Variants in PIEZO1 observed in about 807,000 individuals in gnomAD.
PIEZO1 encodes the protein piezo type mechanosensitive ion channel component 1 (Er blood group), also known as piezo-type mechanosensitive ion channel component 1.
Under a neutral mutation model 297.2 loss-of-function variants are expected in PIEZO1, and 296 were observed. The ratio of observed to expected loss-of-function variants is 1.00; its 90% CI spans 0.91 to 1.10. The LOEUF (loss-of-function observed/expected upper bound fraction) is 1.10, where lower values mean the gene tolerates loss of function less well. Ranked by LOEUF, PIEZO1 falls within the 50% of genes least tolerant of loss-of-function variation. The pLI is 0.00. For synonymous variants in PIEZO1, 2,427 were observed against 1,507.5 expected (o/e 1.61, Z -14.13); for missense variants, 5,018 against 3,455.5 (o/e 1.45, Z -11.34).
chr16:88,727,126 T>G lies in PIEZO1; in HGVS notation c.3368A>C (p.Glu1123Ala), dbSNP rs1435380248. The change falls in exon 24 of 51, where the codon GAG becomes GCG. Residue 1123 changes from glutamate (E) to alanine (A), a missense_variant. Coordinates refer to ENST00000301015, the MANE Select transcript of PIEZO1 (RefSeq NM_001142864.4). ...GTTGACGCCAGCCATGCGCTGCCAC[T>G]CCTCTGTGCGCTCAGCTGAGAACAC... is the stretch of plus-strand genomic sequence containing the variant. ...WQVFSAERTE[E>A]WQRMAGVNTD... 4 of 1,549,938 alleles carry G rather than the reference T, an allele frequency of 2.6e-6. No homozygotes were observed. The South Asian group carries it at 4.8e-5, about 18-fold the overall frequency.
Position 88,733,693 on chromosome 16 carries a change from G to C in PIEZO1, c.2382C>G (p.Gly794=), listed in dbSNP as rs1905025669. 4 of 1,549,144 alleles carry C rather than the reference G, an allele frequency of 2.6e-6. No homozygotes were observed. Among genetic ancestry groups the C allele is most frequent in the Non-Finnish European group, 3.5e-6 (4 of 1,146,328 alleles). The change falls in exon 18 of 51, where the codon GGC becomes GGG. Residue 794 remains glycine (G), a synonymous_variant. Transcript: ENST00000301015. ...VAERLLELAA[G]FSDVLSRVQV... The stretch of plus-strand genomic sequence containing the variant: ...GCACGCGTGAGAGGACGTCCGAGAA[G>C]CCGGCTGCCAGCTCCAGCAGCCGCT...
chr16:88,720,780 C>T (rs1912383973), intron 39 of PIEZO1, 32 bp from the exon 40 acceptor site: 1 of 1,455,046 alleles, frequency 6.9e-7, no homozygotes, highest in Non-Finnish European at 9.0e-7. Flanking sequence ...TGCCTGGGCC[C>T]CCTGGGGACT....
Position 88,719,629 on chromosome 16 carries a change from A to C in PIEZO1, c.6416T>G (p.Val2139Gly). ...TTLSLSSWMC[V>G]EDIYANIFII... Reference sequence around the variant, plus strand: ...GAAGATGTTGGCATAGATGTCCTCCACACACATCCAGCTGGACAGGGACAG... The same window carrying C: ...GAAGATGTTGGCATAGATGTCCTCCCCACACATCCAGCTGGACAGGGACAG... Residue 2139 changes from valine (V) to glycine (G), a missense_variant, in exon 44 of 51, where the codon GTG becomes GGG. By Grantham distance (109) the Val-to-Gly change is moderately radical. Transcript: ENST00000301015. The C allele has an allele frequency of 1.3e-6, 2 of 1,552,890 alleles. No homozygotes were observed. Among genetic ancestry groups the C allele is most frequent in the Non-Finnish European group, 1.7e-6 (2 of 1,148,258 alleles).
At chr16:88,768,719 G>A (rs1907289645) in intron 1 of PIEZO1, among the ~76,000 whole-genome samples, 1 of 152,182 alleles carries the variant, frequency 6.6e-6, no homozygotes, top group South Asian at 2.1e-4. Flanking sequence ...GCAGTGAGGG[G>A]CTGGCTGACC....
At chr16:88,741,662 G>GCGGGTGAGAGTGTGGA in intron 4 of PIEZO1, 46 bp from the exon 5 acceptor site, 6 of 1,515,744 alleles carry the variant, frequency 4.0e-6, no homozygotes, top group Admixed American at 4.2e-5. Flanking sequence ...GAGGACAGGT[G>GCGGGTGAGAGTGTGGA]TGGGTGTGAG....
At chr16:88,765,893 C>T (rs956086703) in intron 1 of PIEZO1, among the ~76,000 whole-genome samples, 6 of 152,058 alleles carry the variant, frequency 3.9e-5, no homozygotes, top group African/African-American at 1.2e-4. Context: ...AGGCTGGTCT[C>T]GAACTCCTGA....
At chr16:88,734,118 G>A in intron 16 of PIEZO1, 64 bp from the exon 17 acceptor site, 2 of 1,462,936 alleles carry the variant, frequency 1.4e-6, no homozygotes, top group South Asian at 2.8e-5. Flanking sequence ...CCTGGGGCTG[G>A]AAGAAGCCCT....
rs772036666 is a variant in PIEZO1 at position 88,742,288 on chromosome 16, T to C, written c.283+12A>G. ...GGATGGCTATCCCTACCCCGCCCCC[T>C]CAGCGACTCACAGCTGGGTCCCAGG... is the stretch of plus-strand genomic sequence containing the variant. On this transcript the variant is annotated intron_variant, in intron 3 of 50. Coordinates refer to ENST00000301015, the MANE Select transcript of PIEZO1 (RefSeq NM_001142864.4). 3 of 1,528,622 alleles carry C rather than the reference T, an allele frequency of 2.0e-6. No individual in the cohort carries two copies. Among genetic ancestry groups the C allele is most frequent in the African/African-American group, 2.7e-5 (2 of 72,744 alleles). 94.7% of individuals were successfully genotyped at this position (1,528,622 alleles called of 1,614,324 possible).
chr16:88,726,857 C>T lies in PIEZO1; in HGVS notation c.3557G>A (p.Gly1186Glu). 2 of 1,550,406 alleles carry T rather than the reference C, an allele frequency of 1.3e-6. No individual in the cohort carries two copies. The highest frequency in any genetic ancestry group is 1.7e-6 in the Non-Finnish European group (2 of 1,146,920). The change falls in exon 25 of 51, where the codon GGG becomes GAG. Residue 1186 changes from glycine to glutamate, a missense_variant. Physicochemically the swap from Gly to Glu is moderately conservative, Grantham distance 98 (BLOSUM62 -2). Transcript: ENST00000301015. ...VTGATRISIFGLGYLLACFYL... is the reference protein window; with the variant it reads ...VTGATRISIFELGYLLACFYL... ...GAAGCAGGCCAGCAGGTAGCCCAGC[C>T]CGAAGATGCTGATGCGGGTGGCCCC...
intron 22 of PIEZO1, 118 bp from the exon 23 acceptor site, chr16:88,727,779 G>C: frequency 2.0e-6 from 1 of 488,760 alleles, no homozygotes; most frequent in Non-Finnish European, 3.7e-6. Flanking sequence ...GAATCACCTC[G>C]CGCACACCTG....
chr16:88,778,216 G>T (rs1362573236), intron 1 of PIEZO1, among the ~76,000 whole-genome samples: 1 of 152,142 alleles, frequency 6.6e-6, no homozygotes, highest in Non-Finnish European at 1.5e-5. Flanking sequence ...TGCTTTTGGG[G>T]GTAGAGCTGT....
chr16:88,747,416 C>A (rs982809064), intron 2 of PIEZO1, among the ~76,000 whole-genome samples: 1 of 151,830 alleles, frequency 6.6e-6, no homozygotes, highest in Non-Finnish European at 1.5e-5. Flanking sequence ...CTCGGGAGGC[C>A]GAGGCGGGAG....
Position 88,723,138 on chromosome 16 carries a change from G to A in PIEZO1, c.4452C>T (p.Ser1484=). 6.5e-7 allele frequency: 1 copy of A among 1,548,998 alleles called. No homozygotes were observed. The highest frequency in any genetic ancestry group is 8.7e-7 in the Non-Finnish European group (1 of 1,146,806). ...GGCCCTCTGCTGGCTCCACCTCCTG[G>A]CTGGGACCACCTCCTGGGCACAGGA... is the stretch of plus-strand genomic sequence containing the variant. ...AGQLPTGGGP[S]QEVEPAEGPE... Residue 1484 remains serine (S), a synonymous_variant, in exon 33 of 51, where the codon AGC becomes AGT. Coordinates refer to ENST00000301015, the MANE Select transcript of PIEZO1 (RefSeq NM_001142864.4).
In PIEZO1 at chr16:88,735,049, G is replaced by A. The variant is rs115016757; in HGVS notation, c.1674C>T (p.Pro558=). Residue 558 remains proline (P), a synonymous_variant, in exon 14 of 51, where the codon CCC becomes CCT. Coordinates refer to ENST00000301015, the MANE Select transcript of PIEZO1 (RefSeq NM_001142864.4). ...LTEVTVADTE[P]TRTQTLLQSL... Reference sequence around the variant, plus strand: ...TCTGCAACAGCGTCTGCGTCCGCGTGGGCTCTGTGGGCCAAGCCAGGGGCA... The same window carrying A: ...TCTGCAACAGCGTCTGCGTCCGCGTAGGCTCTGTGGGCCAAGCCAGGGGCA... 6.8e-3 allele frequency: 10,520 copies of A among 1,550,326 alleles called. 616 individuals are homozygous for A. In the African/African-American group the frequency reaches 0.13, roughly 19 times the overall value.
Position 88,738,382 on chromosome 16 carries a change from G to T in PIEZO1, c.693C>A (p.Cys231Ter). 6.5e-7 allele frequency: 1 copy of T among 1,535,830 alleles called. No individual in the cohort carries two copies. The highest frequency in any genetic ancestry group is 2.4e-5 in the East Asian group (1 of 40,914). The change falls in exon 7 of 51, where the codon TGC becomes TGA. Residue 231 changes from cysteine to a stop codon, truncating the protein, a stop_gained. Transcript: ENST00000301015. LOFTEE classifies it high-confidence loss of function. The stretch of plus-strand genomic sequence containing the variant: ...TGGGAAAGTGGCAGGCCCACCAGGT[G>T]CAGAGGGCCAGGAAGAGCAGCAGGT... The part of the protein sequence containing the change: ...SVYLLLFLAL[C>*]TWWACHFPIS...
intron 1 of PIEZO1, among the ~76,000 whole-genome samples, chr16:88,772,191 G>A (rs1469354318): frequency 2.0e-5 from 3 of 152,206 alleles, no homozygotes; most frequent in African/African-American, 4.8e-5. Flanking sequence ...ACCATCCCTG[G>A]TGCCATTGAG....
intron 1 of PIEZO1, among the ~76,000 whole-genome samples, chr16:88,768,331 G>C (rs979750386): frequency 6.6e-6 from 1 of 152,216 alleles, no homozygotes; most frequent in Non-Finnish European, 1.5e-5. Context: ...GAAGCTCCCC[G>C]GGCCAGGAGG....
chr16:88,754,905 G>A (rs369691523), intron 1 of PIEZO1, among the ~76,000 whole-genome samples: 30 of 152,358 alleles, frequency 2.0e-4, no homozygotes, highest in Admixed American at 5.2e-4. Flanking sequence ...ACGCCCCGGC[G>A]TGCCGTCCCG....
intron 1 of PIEZO1, among the ~76,000 whole-genome samples, chr16:88,756,537 CA>C (rs1906663990): frequency 6.7e-6 from 1 of 149,168 alleles, no homozygotes; most frequent in African/African-American, 2.5e-5. Flanking sequence ...GAAGATGGCT[CA>C]AGCCCGCCAT....
Sources: allele counts gnomAD v4.1 joint callset (sites outside exome capture counted in the v4.1 genomes callset), GRCh38; gene constraint gnomAD v4.1.1; transcripts MANE v1.5; gene names NCBI Gene and HGNC (gene_info 2026-07-23, HGNC 2026-07-21).